CHORDC1: variants seen among roughly 807,000 people sequenced by gnomAD.
The protein encoded by CHORDC1 is cysteine and histidine-rich domain-containing protein 1.
A neutral mutation model predicts 48.3 loss-of-function variants in CHORDC1; 25 were observed. The observed-to-expected ratio is 0.52, with a 90% CI of 0.38 to 0.72. CHORDC1 has a LOEUF of 0.72. CHORDC1 is among the 30% of genes least tolerant of loss of function. The probability of loss-of-function intolerance (pLI) is 0.00; values close to 1 mark genes in which losing one functional copy is unlikely to be tolerated. For missense variants in CHORDC1, 317 were observed against 388.7 expected, an observed-to-expected ratio of 0.82 and a Z score of 1.55; for synonymous variants, 128 against 126.4, an observed-to-expected ratio of 1.01 and a Z score of -0.09.
chr11:90,203,540 T>TA, intron 8 of CHORDC1, 113 bp from the exon 9 acceptor site: 1 of 980,686 alleles, frequency 1.0e-6, no homozygotes, highest in Non-Finnish European at 1.4e-6. Context: ...ACTAAGCACT[T>TA]AATGTTTAAG....
chr11:90,210,010 G>A (rs1317569557), intron 6 of CHORDC1, among the ~76,000 whole-genome samples: 3 of 152,092 alleles, frequency 2.0e-5, no homozygotes, highest in African/African-American at 4.8e-5. Context: ...GTTATTCCTT[G>A]AATAGCCAAG....
rs140346550 is a variant in CHORDC1 at position 90,216,056 on chromosome 11, A to G, written c.115-826T>C. ...CTTTAAAGGTAATTTCAAATATCCTATAATTCAAATTTTCCTTTAATTTGA... is the reference window on the plus strand; with the variant it reads ...CTTTAAAGGTAATTTCAAATATCCTGTAATTCAAATTTTCCTTTAATTTGA... On this transcript the variant is annotated intron_variant, in intron 2 of 10. Coordinates refer to ENST00000320585, the MANE Select transcript of CHORDC1 (RefSeq NM_012124.3). 2.9e-3 allele frequency among the ~76,000 whole-genome samples: 445 copies of G among 152,262 alleles called. 1 individual carries two copies. Among genetic ancestry groups the G allele is most frequent in the African/African-American group, 0.01 (431 of 41,586 alleles).
chr11:90,219,843 G>C (rs1487649746), intron 1 of CHORDC1, among the ~76,000 whole-genome samples: 1 of 152,124 alleles, frequency 6.6e-6, no homozygotes, highest in Non-Finnish European at 1.5e-5. Context: ...TTGCAAGATG[G>C]AGTACTATAT....
In CHORDC1 at chr11:90,217,823, G is replaced by C. The variant is rs186161207; in HGVS notation, c.114+312C>G. 1.1e-4 allele frequency: 18 copies of C among 167,786 alleles called. No individual in the cohort carries two copies. The East Asian group carries it at 2.7e-3, about 25-fold the overall frequency. 10.4% of individuals were successfully genotyped at this position (167,786 alleles called of 1,614,324 possible). On this transcript the variant is annotated intron_variant, in intron 2 of 10. Coordinates refer to ENST00000320585, the MANE Select transcript of CHORDC1 (RefSeq NM_012124.3). Reference sequence around the variant, plus strand: ...GCTGAGGCAGAATCGCTTGAACCCAGGAGGCGGACGTTGCAGTGAGCTGAG... The same window carrying C: ...GCTGAGGCAGAATCGCTTGAACCCACGAGGCGGACGTTGCAGTGAGCTGAG...
chr11:90,213,585 C>G, intron 4 of CHORDC1: 1 of 494,786 alleles, frequency 2.0e-6, no homozygotes, highest in Non-Finnish European at 3.6e-6. Context: ...AAAAATTGAC[C>G]AGTAGTAATG....
rs1197936219 is a variant in CHORDC1 at position 90,201,838 on chromosome 11, T to C, written c.*567A>G. ...TGACATAATTTAAAAATTCAAGTAGTTGTAAACAAATTCTAATTTGTTAAA... is the reference window on the plus strand; with the variant it reads ...TGACATAATTTAAAAATTCAAGTAGCTGTAAACAAATTCTAATTTGTTAAA... On this transcript the variant is annotated 3_prime_UTR_variant, in exon 11 of 11. Coordinates refer to ENST00000320585, the MANE Select transcript of CHORDC1 (RefSeq NM_012124.3). 6.6e-6 allele frequency: 1 copy of C among 152,440 alleles called. No individual in the cohort carries two copies. Among genetic ancestry groups the C allele is most frequent in the African/African-American group, 2.4e-5 (1 of 41,448 alleles). The allele number at this position is 152,440 out of a possible 1,614,324, so 9.4% of individuals were successfully genotyped here.
intron 6 of CHORDC1, chr11:90,207,927 T>C (rs1190715200): frequency 6.6e-6 from 1 of 152,112 alleles, no homozygotes; most frequent in African/African-American, 2.4e-5. Context: ...CAGGTGGGCA[T>C]ACCTAATCCA....
intron 3 of CHORDC1, 28 bp from the exon 4 acceptor site, chr11:90,214,203 GCTAT>G (rs991297860): frequency 1.0e-5 from 15 of 1,504,438 alleles, no homozygotes; most frequent in African/African-American, 1.4e-5. Flanking sequence ...TTCATTAAGA[GCTAT>G]CTATTTTACA....
chr11:90,213,102 C>CT, intron 4 of CHORDC1: 1 of 280,500 alleles, frequency 3.6e-6, no homozygotes. Context: ...ATGGTCTCCT[C>CT]TAACTATGAA....
chr11:90,218,834 G>A (rs553441992), intron 1 of CHORDC1, among the ~76,000 whole-genome samples: 24 of 151,952 alleles, frequency 1.6e-4, no homozygotes, highest in Admixed American at 1.3e-4. Context: ...GCCCTGTCTG[G>A]AAAGTGAGGA....
intron 7 of CHORDC1, 104 bp from the exon 8 acceptor site, chr11:90,205,669 C>T (rs971655957): frequency 4.4e-6 from 3 of 689,590 alleles, no homozygotes; most frequent in Admixed American, 6.0e-5. Context: ...AGTAAGTGTA[C>T]AAACTCTAGC....
chr11:90,204,158 A>G (rs904990698), intron 8 of CHORDC1, among the ~76,000 whole-genome samples: 3 of 152,236 alleles, frequency 2.0e-5, no homozygotes, highest in Middle Eastern at 3.4e-3. Flanking sequence ...TATCACTCAC[A>G]TTTTTCCCCT....
At chr11:90,220,324 T>C (rs1285322380) in intron 1 of CHORDC1, among the ~76,000 whole-genome samples, 3 of 152,342 alleles carry the variant, frequency 2.0e-5, no homozygotes, top group South Asian at 4.1e-4. Context: ...GTGTTAGGTA[T>C]CTTCCTGATA....
At chr11:90,217,424 A>G (rs1858041881) in intron 2 of CHORDC1, among the ~76,000 whole-genome samples, 1 of 152,186 alleles carries the variant, frequency 6.6e-6, no homozygotes, top group African/African-American at 2.4e-5. Flanking sequence ...GTCAAACAAC[A>G]TTCCACCAAT....
intron 4 of CHORDC1, 35 bp from the exon 5 acceptor site, chr11:90,211,353 T>C: frequency 7.8e-7 from 1 of 1,286,372 alleles, no homozygotes; most frequent in Non-Finnish European, 1.1e-6. Context: ...CCATTATTAA[T>C]ATACCAAAAT....
At chr11:90,219,122 C>T (rs768705600) in intron 1 of CHORDC1, among the ~76,000 whole-genome samples, 27 of 151,894 alleles carry the variant, frequency 1.8e-4, no homozygotes, top group Admixed American at 7.9e-4. Context: ...AAAAATTAGC[C>T]GGGCGTGGTA....
At chr11:90,208,825 G>A (rs967804211) in intron 6 of CHORDC1, 1 of 152,042 alleles carries the variant, frequency 6.6e-6, no homozygotes, top group African/African-American at 2.4e-5. Flanking sequence ...ATATTTCAAT[G>A]AAAAAGACTA....
chr11:90,201,760 AT>A lies in CHORDC1; in HGVS notation c.*644del, dbSNP rs1414797372. 2 of 152,422 alleles carry A rather than the reference AT, an allele frequency of 1.3e-5. No individual in the cohort carries two copies. The highest frequency in any genetic ancestry group is 4.8e-5 in the African/African-American group (2 of 41,432). 9.4% of individuals were successfully genotyped at this position (152,422 alleles called of 1,614,324 possible). On this transcript the variant is annotated 3_prime_UTR_variant, in exon 11 of 11. Coordinates refer to ENST00000320585, the MANE Select transcript of CHORDC1 (RefSeq NM_012124.3). ...TTTTAACCAAATTGATACCTCTGTA[AT>A]CTTATTTATGTTTCCTATAACATCA... is the stretch of plus-strand genomic sequence containing the variant.
chr11:90,211,145 A>G (rs1857850012), intron 5 of CHORDC1, 70 bp downstream of exon 5: 2 of 1,057,062 alleles, frequency 1.9e-6, no homozygotes, highest in African/African-American at 3.2e-5. Flanking sequence ...GTAAACTACT[A>G]TTCTCTCTTT....
Sources: allele counts gnomAD v4.1 joint callset (sites outside exome capture counted in the v4.1 genomes callset), GRCh38; gene constraint gnomAD v4.1.1; transcripts MANE v1.5; gene names NCBI Gene and HGNC (gene_info 2026-07-23, HGNC 2026-07-21).